FLRT2: variants seen among roughly 807,000 people sequenced by gnomAD.
FLRT2 encodes fibronectin leucine rich transmembrane protein 2, also known as leucine-rich repeat transmembrane protein FLRT2.
A neutral mutation model predicts 40.0 loss-of-function variants in FLRT2; 15 were observed. The observed-to-expected ratio is 0.38, with a 90% CI of 0.25 to 0.58. The LOEUF (loss-of-function observed/expected upper bound fraction) is 0.58. Among genes scored for constraint, FLRT2 ranks in the 20% least tolerant of loss-of-function variants. The pLI is 0.71. For synonymous variants in FLRT2, 380 were observed against 336.8 expected, an observed-to-expected ratio of 1.13 and a Z score of -1.41; for missense variants, 726 against 840.0, an observed-to-expected ratio of 0.86 and a Z score of 1.68.
chr14:85,566,186 C>A (rs1449614686), intron 1 of FLRT2, among the ~76,000 whole-genome samples: 1 of 152,096 alleles, frequency 6.6e-6, no homozygotes, highest in Admixed American at 6.5e-5. Context: ...CACTGGAGAT[C>A]AGGAGACAAA....
Position 85,644,319 on chromosome 14 carries a change from T to C in FLRT2, c.*20822T>C, listed in dbSNP as rs1161047123. ...CTGTCAATTTAGAAATTTCTTTCTTTTTATCTCAATAGGCAAAGAACACTA... is the reference window on the plus strand; with the variant it reads ...CTGTCAATTTAGAAATTTCTTTCTTCTTATCTCAATAGGCAAAGAACACTA... On this transcript the variant is annotated 3_prime_UTR_variant, in exon 2 of 2. Transcript: ENST00000330753. 2 of 152,202 alleles carry C rather than the reference T, an allele frequency of 1.3e-5. No individual in the cohort carries two copies. Among genetic ancestry groups the C allele is most frequent in the South Asian group, 2.1e-4 (1 of 4,832 alleles). The allele number at this position is 152,202 out of a possible 1,614,324, so 9.4% of individuals were successfully genotyped here.
chr14:85,572,009 T>C (rs1890911334), intron 1 of FLRT2, among the ~76,000 whole-genome samples: 1 of 152,182 alleles, frequency 6.6e-6, no homozygotes, highest in African/African-American at 2.4e-5. Context: ...GACAGCTGCA[T>C]AGGGGTGAGA....
At chr14:85,553,066 G>A (rs1889737551) in intron 1 of FLRT2, among the ~76,000 whole-genome samples, 1 of 152,132 alleles carries the variant, frequency 6.6e-6, no homozygotes, top group Non-Finnish European at 1.5e-5. Context: ...AATAAGGTGG[G>A]GAATACCTAA....
intron 1 of FLRT2, among the ~76,000 whole-genome samples, chr14:85,569,653 T>C (rs968872357): frequency 6.6e-6 from 1 of 152,222 alleles, no homozygotes; most frequent in African/African-American, 2.4e-5. Context: ...TGAGGTTTAT[T>C]TTGTCCCCTA....
chr14:85,619,600 CT>C (rs1225209062), intron 1 of FLRT2, among the ~76,000 whole-genome samples: 8 of 152,152 alleles, frequency 5.3e-5, no homozygotes, highest in African/African-American at 9.6e-5. Flanking sequence ...TTCCAGTGTT[CT>C]TTTTTTCTTT....
intron 1 of FLRT2, among the ~76,000 whole-genome samples, chr14:85,579,649 G>T (rs1891298454): frequency 6.6e-6 from 1 of 152,148 alleles, no homozygotes; most frequent in Non-Finnish European, 1.5e-5. Context: ...CCATGGGGTT[G>T]TTTTGAAGAT....
chr14:85,570,182 C>G (rs1318923451), intron 1 of FLRT2, among the ~76,000 whole-genome samples: 1 of 152,112 alleles, frequency 6.6e-6, no homozygotes, highest in Non-Finnish European at 1.5e-5. Context: ...TTCTCTGGTT[C>G]CTTGTCAAGT....
intron 1 of FLRT2, among the ~76,000 whole-genome samples, chr14:85,602,929 T>C (rs1256184454): frequency 1.3e-5 from 2 of 152,210 alleles, no homozygotes; most frequent in South Asian, 2.1e-4. Flanking sequence ...TGTTTTGCTT[T>C]TGGAGAATGG....
rs938022800 is a variant in FLRT2, at chr14:85,636,201, G to A, written c.*12704G>A. On this transcript the variant is annotated 3_prime_UTR_variant, in exon 2 of 2. Coordinates refer to ENST00000330753, the MANE Select transcript of FLRT2 (RefSeq NM_013231.6). ...GATTAGTAAAATAATTTGTTTTAAAGTTAGTTTTAAATATTATGCTACCTC... is the reference window on the plus strand; with the variant it reads ...GATTAGTAAAATAATTTGTTTTAAAATTAGTTTTAAATATTATGCTACCTC... The A allele has an allele frequency of 1.3e-5, 2 of 151,924 alleles. No individual in the cohort carries two copies. Among genetic ancestry groups the A allele is most frequent in the African/African-American group, 4.8e-5 (2 of 41,398 alleles). The allele number at this position is 151,924 out of a possible 1,614,324, so 9.4% of individuals were successfully genotyped here.
At chr14:85,596,890 G>A (rs893414334) in intron 1 of FLRT2, among the ~76,000 whole-genome samples, 1 of 152,260 alleles carries the variant, frequency 6.6e-6, no homozygotes, top group South Asian at 2.1e-4. Context: ...CAGAAAACAA[G>A]CAAACATTTA....
At chr14:85,556,995 A>G (rs1436448053) in intron 1 of FLRT2, among the ~76,000 whole-genome samples, 1 of 152,174 alleles carries the variant, frequency 6.6e-6, no homozygotes, top group Non-Finnish European at 1.5e-5. Flanking sequence ...CAGAAGCAGA[A>G]ACCCCTGATA....
intron 1 of FLRT2, among the ~76,000 whole-genome samples, chr14:85,543,937 G>A (rs1889127414): frequency 6.6e-6 from 1 of 151,970 alleles, no homozygotes; most frequent in African/African-American, 2.4e-5. Flanking sequence ...TCGCTCATTA[G>A]ACTTTAGGAA....
At position 85,636,370 on chromosome 14, in the gene FLRT2, CA is replaced by C. The variant is rs1893998731; in HGVS notation, c.*12876del. The C allele has an allele frequency of 4.3e-5, 2 of 46,632 alleles. No individual in the cohort carries two copies. Among genetic ancestry groups the C allele is most frequent in the Non-Finnish European group, 7.6e-5 (2 of 26,336 alleles). 2.9% of individuals were successfully genotyped at this position (46,632 alleles called of 1,614,324 possible). A position where few individuals can be genotyped will look rare whatever the true frequency, so the allele number is the denominator to read the frequency against. On this transcript the variant is annotated 3_prime_UTR_variant, in exon 2 of 2. Coordinates refer to ENST00000330753, the MANE Select transcript of FLRT2 (RefSeq NM_013231.6). The stretch of plus-strand genomic sequence containing the variant: ...TAACATTGCCTAAATGTAGGAAAAT[CA>C]AAGGTGAAGTCACCTGCAGAAAAAA...
intron 1 of FLRT2, among the ~76,000 whole-genome samples, chr14:85,580,591 C>A (rs569756747): frequency 6.6e-6 from 1 of 152,198 alleles, no homozygotes; most frequent in Non-Finnish European, 1.5e-5. Context: ...GTTTAATGTT[C>A]AAAGAGAAGA....
In FLRT2 at chr14:85,621,461, T is replaced by A. The variant is rs1205715212; in HGVS notation, c.-54T>A. The A allele has an allele frequency of 1.1e-5, 17 of 1,502,072 alleles. No individual in the cohort carries two copies. The highest frequency in any genetic ancestry group is 2.3e-5 in the East Asian group (1 of 44,096). The allele number at this position is 1,502,072 out of a possible 1,614,324, so 93.0% of individuals were successfully genotyped here. On this transcript the variant is annotated 5_prime_UTR_variant, in exon 2 of 2. Coordinates refer to ENST00000330753, the MANE Select transcript of FLRT2 (RefSeq NM_013231.6). ...GTCATTTTGATTTTGCTGTTTATTT[T>A]TTTTTTCTTTTTCTTTTTCCCACCA...
At position 85,630,944 on chromosome 14, in the gene FLRT2, G is replaced by A. The variant is rs932993207; in HGVS notation, c.*7447G>A. On this transcript the variant is annotated 3_prime_UTR_variant, in exon 2 of 2. Transcript: ENST00000330753. ...AGGAATGCCTGAGTACGATACTGCAGTGCTTGCAAAACATGCGTTTTTATT... is the reference window on the plus strand; with the variant it reads ...AGGAATGCCTGAGTACGATACTGCAATGCTTGCAAAACATGCGTTTTTATT... 4.0e-5 allele frequency: 6 copies of A among 151,778 alleles called. No individual in the cohort carries two copies. Among genetic ancestry groups the A allele is most frequent in the African/African-American group, 7.3e-5 (3 of 41,268 alleles). The allele number at this position is 151,778 out of a possible 1,614,324, so 9.4% of individuals were successfully genotyped here. A position where few individuals can be genotyped will look rare whatever the true frequency, so the allele number is the denominator to read the frequency against.
rs1216572723 is a variant in FLRT2, at chr14:85,623,350, A to G, written c.1836A>G (p.Leu612=). ...MTETSFQIVS[L]NNDQLLKGDF... is the part of the protein sequence containing the mutation. ...AAACCAGTTTTCAGATCGTCTCCTTAAATAACGATCAACTCCTTAAAGGAG... is the reference window on the plus strand; with the variant it reads ...AAACCAGTTTTCAGATCGTCTCCTTGAATAACGATCAACTCCTTAAAGGAG... Residue 612 remains leucine, a synonymous_variant, in exon 2 of 2, where the codon TTA becomes TTG. Transcript: ENST00000330753. 3 of 1,524,322 alleles carry G rather than the reference A, an allele frequency of 2.0e-6. No individual in the cohort carries two copies. The South Asian group carries it at 4.0e-5, about 20-fold the overall frequency. The allele number at this position is 1,524,322 out of a possible 1,614,324, so 94.4% of individuals were successfully genotyped here. A position where few individuals can be genotyped will look rare whatever the true frequency, so the allele number is the denominator to read the frequency against.
intron 1 of FLRT2, among the ~76,000 whole-genome samples, chr14:85,611,607 A>G (rs1368118609): frequency 6.6e-6 from 1 of 152,136 alleles, no homozygotes; most frequent in African/African-American, 2.4e-5. Flanking sequence ...ACTTTATAAG[A>G]TGAACCAAGT....
At chr14:85,607,201 A>G (rs1892662718) in intron 1 of FLRT2, among the ~76,000 whole-genome samples, 1 of 152,072 alleles carries the variant, frequency 6.6e-6, no homozygotes, top group Admixed American at 6.6e-5. Context: ...ATGTTAGAAG[A>G]GGGTTGACTT....
Sources: gnomAD v4.1 joint callset for allele counts (sites outside exome capture counted in the v4.1 genomes callset) on GRCh38, gnomAD v4.1.1 for gene constraint, MANE v1.5 for transcripts, NCBI Gene and HGNC (gene_info 2026-07-23, HGNC 2026-07-21) for gene names.